The following CDK19 variants were observed in gnomAD, a reference collection of about 807,000 sequenced individuals.
CDK19 encodes cyclin-dependent kinase 19.
A neutral mutation model predicts 68.3 loss-of-function variants in CDK19; 20 were observed. The observed-to-expected ratio is 0.29, with a 90% confidence interval of 0.21 to 0.43. The LOEUF is 0.43. CDK19 is among the 20% of genes least tolerant of loss of function. CDK19 has a pLI of 1.00. For missense variants in CDK19, 339 were observed against 623.5 expected, an observed-to-expected ratio of 0.54 and a Z score of 4.86; for synonymous variants, 221 against 222.8, an observed-to-expected ratio of 0.99 and a Z score of 0.07.
intron 2 of CDK19, among the ~76,000 whole-genome samples, chr6:110,733,874 T>C (rs1776962037): frequency 6.6e-6 from 1 of 152,148 alleles, no homozygotes; most frequent in Non-Finnish European, 1.5e-5. Context: ...TTAAGCATTA[T>C]TGATTTTCCG....
intron 2 of CDK19, among the ~76,000 whole-genome samples, chr6:110,676,106 G>A (rs1486833487): frequency 6.6e-6 from 1 of 152,140 alleles, no homozygotes; most frequent in Non-Finnish European, 1.5e-5. Flanking sequence ...AACATTAACA[G>A]GAATGTGGAA....
At chr6:110,719,142 A>T (rs1775631822) in intron 2 of CDK19, among the ~76,000 whole-genome samples, 1 of 152,200 alleles carries the variant, frequency 6.6e-6, no homozygotes, top group African/African-American at 2.4e-5. Flanking sequence ...ACAAGTCAGA[A>T]AAGAAGGTGG....
chr6:110,782,663 T>C (rs1269200142), intron 1 of CDK19, among the ~76,000 whole-genome samples: 1 of 152,204 alleles, frequency 6.6e-6, no homozygotes, highest in Non-Finnish European at 1.5e-5. Flanking sequence ...CAAACATGTA[T>C]TCCCTTTACA....
At chr6:110,717,953 G>A (rs529807962) in intron 2 of CDK19, among the ~76,000 whole-genome samples, 6 of 152,110 alleles carry the variant, frequency 3.9e-5, no homozygotes, top group South Asian at 2.1e-4. Context: ...TGCCCGCCTC[G>A]GCCTCCCAAA....
At chr6:110,661,600 C>T (rs1416946219) in intron 4 of CDK19, among the ~76,000 whole-genome samples, 2 of 152,264 alleles carry the variant, frequency 1.3e-5, no homozygotes, top group East Asian at 3.9e-4. Context: ...CAGGTATGTG[C>T]CACCCTACCC....
At chr6:110,711,051 A>G (rs1045769927) in intron 2 of CDK19, among the ~76,000 whole-genome samples, 1 of 152,226 alleles carries the variant, frequency 6.6e-6, no homozygotes, top group African/African-American at 2.4e-5. Flanking sequence ...TCTCAAAAGC[A>G]AGAAAAGCAA....
chr6:110,623,897 G>GTATATATATATACGTGTA (rs1778910350), intron 8 of CDK19, among the ~76,000 whole-genome samples: 1 of 144,310 alleles, frequency 6.9e-6, no homozygotes, highest in Non-Finnish European at 1.5e-5. Context: ...ATATGTGTGT[G>GTATATATATATACGTGTA]TATATATATA....
rs146329157 is a variant in CDK19 at position 110,612,205 on chromosome 6, C to T, written c.*2330G>A. The T allele has an allele frequency of 3.3e-5, 5 of 152,210 alleles. No individual in the cohort carries two copies. The East Asian group carries it at 5.8e-4, about 18-fold the overall frequency. 9.4% of individuals were successfully genotyped at this position (152,210 alleles called of 1,614,324 possible). A position where few individuals can be genotyped will look rare whatever the true frequency, so the allele number is the denominator to read the frequency against. On this transcript the variant is annotated 3_prime_UTR_variant, in exon 13 of 13. Coordinates refer to ENST00000368911, the MANE Select transcript of CDK19 (RefSeq NM_015076.5). ...AACCTCCTTGAGAGCAAGAACAGAC[C>T]TTCTATTTTCCTTGCAATTTCCTAC... is the stretch of plus-strand genomic sequence containing the variant.
intron 2 of CDK19, among the ~76,000 whole-genome samples, chr6:110,683,511 G>A (rs1279031002): frequency 6.6e-6 from 1 of 152,006 alleles, no homozygotes; most frequent in East Asian, 1.9e-4. Context: ...ATAATAAAAT[G>A]GCTATATGAA....
chr6:110,617,690 C>T (rs1778420164), intron 12 of CDK19, among the ~76,000 whole-genome samples: 2 of 146,532 alleles, frequency 1.4e-5, no homozygotes, highest in African/African-American at 5.0e-5. Flanking sequence ...CACACACACA[C>T]ACACACACAC....
intron 1 of CDK19, among the ~76,000 whole-genome samples, chr6:110,774,701 T>G (rs996930989): frequency 1.3e-5 from 2 of 152,122 alleles, no homozygotes. Flanking sequence ...TGTAATCCCA[T>G]CACTTTGGGA....
intron 12 of CDK19, 79 bp from the exon 13 acceptor site, chr6:110,614,745 G>C: frequency 7.0e-7 from 1 of 1,427,190 alleles, no homozygotes; most frequent in East Asian, 2.3e-5. Flanking sequence ...GTAGGATAGA[G>C]ATATAAGCCG....
At chr6:110,725,279 G>A (rs1369823510) in intron 2 of CDK19, among the ~76,000 whole-genome samples, 2 of 152,106 alleles carry the variant, frequency 1.3e-5, no homozygotes, top group Non-Finnish European at 2.9e-5. Flanking sequence ...CCAAAAGACT[G>A]AGGTAATAGA....
rs1780535512 is a variant in CDK19, at chr6:110,645,905, A to T, written c.457-7199T>A. 5 of 845,964 alleles carry T rather than the reference A, an allele frequency of 5.9e-6. No individual in the cohort carries two copies. In the East Asian group the frequency reaches 1.4e-4, roughly 24 times the overall value. 52.4% of individuals were successfully genotyped at this position (845,964 alleles called of 1,614,324 possible). On this transcript the variant is annotated intron_variant, in intron 4 of 12. Coordinates refer to ENST00000368911, the MANE Select transcript of CDK19 (RefSeq NM_015076.5). ...AAAACAGCGGCGACTCAGTCCTGCG[A>T]ACTGTGCCGGGACAGCAGGTGCAGG...
chr6:110,777,388 T>C (rs1002037883), intron 1 of CDK19, among the ~76,000 whole-genome samples: 5 of 152,188 alleles, frequency 3.3e-5, no homozygotes, highest in Non-Finnish European at 5.9e-5. Context: ...CTCAAACATT[T>C]TGTAAACTTT....
intron 1 of CDK19, among the ~76,000 whole-genome samples, chr6:110,784,975 C>G (rs1475545503): frequency 6.7e-6 from 1 of 148,970 alleles, no homozygotes; most frequent in East Asian, 2.0e-4. Context: ...GGAGTGACTG[C>G]TAATGTGTAC....
In CDK19 at chr6:110,750,637, C is replaced by T. The variant is rs76432377; in HGVS notation, c.129-4436G>A. On this transcript the variant is annotated intron_variant, in intron 1 of 12. Transcript: ENST00000368911. ...AAACCCCAACCAAAAATGAAAATAT[C>T]TCGGAAGTTCAAAAAGGAGATGTCC... is the stretch of plus-strand genomic sequence containing the variant. Among the ~76,000 whole-genome samples, 3,330 of 152,202 alleles carry T rather than the reference C, an allele frequency of 0.022. 359 individuals carry two copies. The East Asian group carries it at 0.35, about 16-fold the overall frequency.
At chr6:110,783,307 T>C (rs1235310156) in intron 1 of CDK19, among the ~76,000 whole-genome samples, 1 of 152,046 alleles carries the variant, frequency 6.6e-6, no homozygotes, top group African/African-American at 2.4e-5. Context: ...AATTTCCACA[T>C]CAAGTAAAAG....
intron 2 of CDK19, among the ~76,000 whole-genome samples, chr6:110,709,195 T>G (rs1338751070): frequency 6.6e-6 from 1 of 152,148 alleles, no homozygotes; most frequent in Non-Finnish European, 1.5e-5. Context: ...TAATAAGAGC[T>G]ATTTATAAAA....
Sources: gnomAD v4.1 joint callset for allele counts (sites outside exome capture counted in the v4.1 genomes callset) on GRCh38, gnomAD v4.1.1 for gene constraint, MANE v1.5 for transcripts, NCBI Gene and HGNC (gene_info 2026-07-23, HGNC 2026-07-21) for gene names.